The following RSPH6A variants were observed in gnomAD, a reference collection of about 807,000 sequenced individuals.
RSPH6A encodes radial spoke head 6 homolog A.
Under a neutral mutation model 66.1 loss-of-function variants are expected in RSPH6A, and 49 were observed. The ratio of observed to expected loss-of-function variants is 0.74; its 90% CI spans 0.59 to 0.94. The LOEUF is 0.94. Among genes scored for constraint, RSPH6A ranks in the 40% least tolerant of loss-of-function variants. The pLI, the probability that RSPH6A is intolerant of heterozygous loss-of-function variation, is 0.00. For synonymous variants in RSPH6A, 419 were observed against 402.4 expected (o/e 1.04, Z -0.49); for missense variants, 977 against 948.3 (o/e 1.03, Z -0.40).
intron 2 of RSPH6A, among the ~76,000 whole-genome samples, chr19:45,807,906 C>A (rs1179814012): frequency 6.6e-6 from 1 of 152,192 alleles, no homozygotes; most frequent in Non-Finnish European, 1.5e-5. Flanking sequence ...GAATAGGCAG[C>A]TCTCAGTGCC....
At chr19:45,805,122 T>A in intron 2 of RSPH6A, 106 bp from the exon 3 acceptor site, 1 of 978,166 alleles carries the variant, frequency 1.0e-6, no homozygotes, top group Non-Finnish European at 1.5e-6. Flanking sequence ...AGAGGCCGGG[T>A]GCAGTGGCTC....
chr19:45,804,335 G>A lies in RSPH6A; in HGVS notation c.1570C>T (p.Pro524Ser), dbSNP rs749825484. 2 of 1,614,060 alleles carry A rather than the reference G, an allele frequency of 1.2e-6. No homozygotes were observed. Among genetic ancestry groups the A allele is most frequent in the African/African-American group, 1.3e-5 (1 of 74,938 alleles). ...GAGRDSYEEN[P>S]DFEGIPVLEL... ...AGCACGGGGATGCCCTCGAAGTCCG[G>A]GTTCTCCTCGTAGGAGTCGCGCCCA... is the stretch of plus-strand genomic sequence containing the variant. The change falls in exon 3 of 6, where the codon CCG becomes TCG. Residue 524 changes from proline (P) to serine (S), a missense_variant. By Grantham distance (74) the Pro-to-Ser change is moderately conservative. Coordinates refer to ENST00000221538, the MANE Select transcript of RSPH6A (RefSeq NM_030785.4). This position sits in a 1 kb window ranked among gnomAD's most constrained non-coding sequence, Gnocchi z 5.8.
At position 45,796,082 on chromosome 19, in the gene RSPH6A, G is replaced by A; in HGVS notation, c.1941C>T (p.Gly647=). ...TCTCGGGGCTGTACTTGTGACCCCA[G>A]CCGATGTAGATGTTCTCAAACTTTC... ...SGKKFENIYI[G]WGHKYSPESF... is the part of the protein sequence containing the mutation. The change falls in exon 6 of 6, where the codon GGC becomes GGT. Residue 647 remains glycine (G), a synonymous_variant. Coordinates refer to ENST00000221538, the MANE Select transcript of RSPH6A (RefSeq NM_030785.4). The A allele has an allele frequency of 6.3e-7, 1 of 1,591,444 alleles. No homozygotes were observed. Among genetic ancestry groups the A allele is most frequent in the South Asian group, 1.1e-5 (1 of 89,138 alleles).
Position 45,804,564 on chromosome 19 carries a change from G to A in RSPH6A, c.1341C>T (p.Ala447=), listed in dbSNP as rs766864566. ...PWTRLPHVTP[A]QIVNARKIKK... is the part of the protein sequence containing the mutation. ...TGATCTTTCGGGCGTTCACGATCTGGGCTGGAGTGACGTGGGGCAGCCGCG... is the reference window on the plus strand; with the variant it reads ...TGATCTTTCGGGCGTTCACGATCTGAGCTGGAGTGACGTGGGGCAGCCGCG... Residue 447 remains alanine, a synonymous_variant, in exon 3 of 6, where the codon GCC becomes GCT. Transcript: ENST00000221538. The surrounding 1 kb of genome is among the most constrained non-coding windows in gnomAD (Gnocchi z 5.8). The A allele has an allele frequency of 4.4e-5, 71 of 1,614,062 alleles. No individual in the cohort carries two copies. The highest frequency in any genetic ancestry group is 5.6e-5 in the Non-Finnish European group (66 of 1,180,046).
intron 3 of RSPH6A, among the ~76,000 whole-genome samples, chr19:45,803,549 G>A (rs1431694662): frequency 6.6e-6 from 1 of 152,072 alleles, no homozygotes; most frequent in Non-Finnish European, 1.5e-5. Flanking sequence ...GATGGCACAT[G>A]CCTGTAATCC....
rs545236877 is a variant in RSPH6A at position 45,797,921 on chromosome 19, T to C, written c.1917-1815A>G. Among the ~76,000 whole-genome samples, 9 of 151,622 alleles carry C rather than the reference T, an allele frequency of 5.9e-5. 1 individual carries two copies. In the South Asian group the frequency reaches 1.7e-3, roughly 28 times the overall value. On this transcript the variant is annotated intron_variant, in intron 5 of 5. Transcript: ENST00000221538. The stretch of plus-strand genomic sequence containing the variant: ...TGCCTACATTCTGCTAAGAGGAGAC[T>C]GATAATGAACAAGGAGGTAAGTGCC...
At position 45,813,548 on chromosome 19, in the gene RSPH6A, T is replaced by G. The variant is rs1352227855; in HGVS notation, c.650+979A>C. On this transcript the variant is annotated intron_variant, in intron 1 of 5. Transcript: ENST00000221538. Reference sequence around the variant, plus strand: ...TTAGTAGAGACAGGGTTTCGCCATGTTGGCAAGGCTGGTCTCGAACTCCTG... The same window carrying G: ...TTAGTAGAGACAGGGTTTCGCCATGGTGGCAAGGCTGGTCTCGAACTCCTG... 2.9e-3 allele frequency among the ~76,000 whole-genome samples: 432 copies of G among 151,116 alleles called. 1 individual carries two copies. The highest frequency in any genetic ancestry group is 0.021 in the Middle Eastern group (6 of 280).
At position 45,810,848 on chromosome 19, in the gene RSPH6A, C is replaced by T; in HGVS notation, c.651-8G>A. 1.2e-6 allele frequency: 2 copies of T among 1,600,900 alleles called. No homozygotes were observed. The highest frequency in any genetic ancestry group is 1.7e-6 in the Non-Finnish European group (2 of 1,170,268). ...TTCACCAGGTGCTCGTACCTGCCTC[C>T]CGCAGGAGGAGTGGGAGGAGAGGGA... On this transcript the variant is annotated splice_polypyrimidine_tract_variant and splice_region_variant and intron_variant, in intron 1 of 5. Coordinates refer to ENST00000221538, the MANE Select transcript of RSPH6A (RefSeq NM_030785.4).
intron 5 of RSPH6A, among the ~76,000 whole-genome samples, chr19:45,796,813 T>A (rs1401191987): frequency 1.3e-5 from 2 of 152,098 alleles, no homozygotes; most frequent in Non-Finnish European, 2.9e-5. Flanking sequence ...ATGCCTGGCC[T>A]AATTTTTGTA....
chr19:45,800,728 GA>G (rs1600472632), intron 4 of RSPH6A, among the ~76,000 whole-genome samples, 165 bp from the exon 5 acceptor site: 1 of 128,724 alleles, frequency 7.8e-6, no homozygotes, highest in East Asian at 2.3e-4. Context: ...CCTCGCTGCA[GA>G]CCACACACAC....
intron 5 of RSPH6A, among the ~76,000 whole-genome samples, chr19:45,797,233 A>AT (rs1419703900): frequency 2.5e-4 from 38 of 151,674 alleles, no homozygotes; most frequent in African/African-American, 8.9e-4. Flanking sequence ...AAACAAAATC[A>AT]GTGGGGCGTG....
intron 1 of RSPH6A, among the ~76,000 whole-genome samples, chr19:45,813,864 AGAGG>A: frequency 6.6e-6 from 1 of 152,098 alleles, no homozygotes; most frequent in Admixed American, 6.6e-5. Context: ...TTGCAGGATA[AGAGG>A]GTCTCAGGAG....
At chr19:45,802,824 C>A (rs1172991212) in intron 3 of RSPH6A, among the ~76,000 whole-genome samples, 1 of 130,714 alleles carries the variant, frequency 7.7e-6, no homozygotes, top group Non-Finnish European at 1.7e-5. Flanking sequence ...TGATTCTTTT[C>A]TTTTTTTTTT....
In RSPH6A at chr19:45,810,827, C is replaced by G; in HGVS notation, c.664G>C (p.Val222Leu). Reference sequence around the variant, plus strand: ...TTCAGGATCTTGGTCAGCAGATTCACCAGGTGCTCGTACCTGCCTCCCGCA... The same window carrying G: ...TTCAGGATCTTGGTCAGCAGATTCAGCAGGTGCTCGTACCTGCCTCCCGCA... The part of the protein sequence containing the change: ...NCDLSLYEHL[V>L]NLLTKILNQR... The change falls in exon 2 of 6, where the codon GTG becomes CTG. Residue 222 changes from valine (V) to leucine (L), a missense_variant. Physicochemically the swap from Val to Leu is conservative, Grantham distance 32 (BLOSUM62 1). Transcript: ENST00000221538. The G allele has an allele frequency of 6.2e-7, 1 of 1,609,664 alleles. No homozygotes were observed. Among genetic ancestry groups the G allele is most frequent in the Non-Finnish European group, 8.5e-7 (1 of 1,176,532 alleles).
intron 5 of RSPH6A, among the ~76,000 whole-genome samples, chr19:45,798,838 C>CAA (rs71338800): frequency 2.6e-5 from 2 of 77,362 alleles, no homozygotes; most frequent in Non-Finnish European, 5.0e-5. Flanking sequence ...GACTCTATCT[C>CAA]AAAAAAAAAA....
intron 1 of RSPH6A, 110 bp from the exon 2 acceptor site, chr19:45,810,950 TGAAA>T: frequency 1.3e-5 from 10 of 747,418 alleles, no homozygotes; most frequent in Middle Eastern, 2.6e-4. Flanking sequence ...AGTAGGGAAC[TGAAA>T]AGGTCCCTGC....
At position 45,810,789 on chromosome 19, in the gene RSPH6A, C is replaced by T; in HGVS notation, c.702G>A (p.Glu234=). The T allele has an allele frequency of 6.2e-7, 1 of 1,613,696 alleles. No homozygotes were observed. Among genetic ancestry groups the T allele is most frequent in the Admixed American group, 1.7e-5 (1 of 59,992 alleles). Residue 234 remains glutamate, a synonymous_variant, in exon 2 of 6, where the codon GAG becomes GAA. Transcript: ENST00000221538. ...GAGACTCCAGGACAGACAAGGGGTC[C>T]TCAGGCCGCTGGTTCAGGATCTTGG... ...LLTKILNQRP[E]DPLSVLESLN...
chr19:45,802,081 C>G, intron 4 of RSPH6A, 39 bp downstream of exon 4: 1 of 1,362,860 alleles, frequency 7.3e-7, no homozygotes, highest in Non-Finnish European at 9.6e-7. Context: ...TCCCAGCCCT[C>G]CCCAGCCAGT....
At chr19:45,801,622 G>A (rs886985502) in intron 4 of RSPH6A, among the ~76,000 whole-genome samples, 8 of 152,130 alleles carry the variant, frequency 5.3e-5, no homozygotes, top group Non-Finnish European at 1.2e-4. Flanking sequence ...TTATCTGGGC[G>A]TGGTGGCACA....
Sources: gnomAD v4.1 joint callset for allele counts (sites outside exome capture counted in the v4.1 genomes callset) on GRCh38, gnomAD v4.1.1 for gene constraint, Gnocchi (gnomAD v3.1) non-coding constraint, MANE v1.5 for transcripts, NCBI Gene and HGNC (gene_info 2026-07-23, HGNC 2026-07-21) for gene names.